ACOX3: variants seen among roughly 807,000 people sequenced by gnomAD.
ACOX3 encodes the protein acyl-CoA oxidase 3, pristanoyl.
A neutral mutation model predicts 81.5 loss-of-function variants in ACOX3; 73 were observed. The observed-to-expected ratio is 0.90, with a 90% CI of 0.74 to 1.09. The LOEUF (loss-of-function observed/expected upper bound fraction) is 1.09. Ranked by LOEUF, ACOX3 falls within the 50% of genes least tolerant of loss-of-function variation. The pLI, the probability that ACOX3 is intolerant of heterozygous loss-of-function variation, is 0.00. For missense variants in ACOX3, 947 were observed against 928.0 expected, an observed-to-expected ratio of 1.02 and a Z score of -0.27; for synonymous variants, 387 against 375.1, an observed-to-expected ratio of 1.03 and a Z score of -0.37.
rs149771349 is a variant in ACOX3 at position 8,405,996 on chromosome 4, G to T, written c.735C>A (p.Gly245=). 6.2e-7 allele frequency: 1 copy of T among 1,614,042 alleles called. No homozygotes were observed. The highest frequency in any genetic ancestry group is 8.5e-7 in the Non-Finnish European group (1 of 1,180,022). ...TCTGCCCGAGTTTTTTTCCTATGTCGCCAACCATCACTCCAGGCATGGGAA... is the reference window on the plus strand; with the variant it reads ...TCTGCCCGAGTTTTTTTCCTATGTCTCCAACCATCACTCCAGGCATGGGAA... ...TLLPMPGVMV[G]DIGKKLGQNG... The change falls in exon 7 of 18, where the codon GGC becomes GGA. Residue 245 remains glycine, a synonymous_variant. Coordinates refer to ENST00000356406, the MANE Select transcript of ACOX3 (RefSeq NM_003501.3). This position sits in a 1 kb window ranked among gnomAD's most constrained non-coding sequence, Gnocchi z 7.1.
chr4:8,386,979 G>A lies in ACOX3; in HGVS notation c.1537+2194C>T, dbSNP rs140684454. On this transcript the variant is annotated intron_variant, in intron 13 of 17. Coordinates refer to ENST00000356406, the MANE Select transcript of ACOX3 (RefSeq NM_003501.3). The surrounding 1 kb of genome is among the most constrained non-coding windows in gnomAD (Gnocchi z 5.2). Reference sequence around the variant, plus strand: ...TGTGCCTGTCCCCTGCATGAGGGAGGCCAGTGCTCCCTCCTCCCGAGGATC... The same window carrying A: ...TGTGCCTGTCCCCTGCATGAGGGAGACCAGTGCTCCCTCCTCCCGAGGATC... Among the ~76,000 whole-genome samples the A allele has an allele frequency of 1.3e-5, 2 of 152,218 alleles. No homozygotes were observed. The highest frequency in any genetic ancestry group is 2.9e-5 in the Non-Finnish European group (2 of 68,034).
At position 8,385,809 on chromosome 4, in the gene ACOX3, C is replaced by T. The variant is rs191798546; in HGVS notation, c.1537+3364G>A. 8.3e-4 allele frequency among the ~76,000 whole-genome samples: 127 copies of T among 152,328 alleles called. 1 individual carries two copies. Among genetic ancestry groups the T allele is most frequent in the African/African-American group, 2.8e-3 (115 of 41,570 alleles). On this transcript the variant is annotated intron_variant, in intron 13 of 17. Transcript: ENST00000356406. This position sits in a 1 kb window ranked among gnomAD's most constrained non-coding sequence, Gnocchi z 5.5. ...CAGCTTTTACCAAAGATCCACATGA[C>T]GCAGGCTGCAGTCAGCCCTGAGACC...
At position 8,389,222 on chromosome 4, in the gene ACOX3, A is replaced by C. The variant is rs768089067; in HGVS notation, c.1488T>G (p.Leu496=). Residue 496 remains leucine, a synonymous_variant, in exon 13 of 18, where the codon CTT becomes CTG. Transcript: ENST00000356406. This position sits in a 1 kb window ranked among gnomAD's most constrained non-coding sequence, Gnocchi z 5.3. ...CACTGGAGACCTCAAACTTCTGGTC[A>C]AGGATGCCGGGATAGGCGTCCAGAA... ...VDFLDAYPGI[L]DQKFEVSSVA... 1.2e-6 allele frequency: 2 copies of C among 1,613,962 alleles called. No individual in the cohort carries two copies. The highest frequency in any genetic ancestry group is 1.7e-6 in the Non-Finnish European group (2 of 1,179,964).
At chr4:8,391,575 T>TA (rs1333358302) in intron 11 of ACOX3, among the ~76,000 whole-genome samples, 1 of 152,272 alleles carries the variant, frequency 6.6e-6, no homozygotes, top group East Asian at 1.9e-4. Flanking sequence ...ATGATAATTC[T>TA]AATAATAACA....
intron 11 of ACOX3, among the ~76,000 whole-genome samples, chr4:8,390,680 T>C (rs1718883257): frequency 6.6e-6 from 1 of 152,226 alleles, no homozygotes; most frequent in Non-Finnish European, 1.5e-5. Flanking sequence ...TGGAAAGTGT[T>C]CTCTGAATGT....
At position 8,431,872 on chromosome 4, in the gene ACOX3, A is replaced by C. The variant is rs1052142139; in HGVS notation, c.-15+8776T>G. ...GTCATTGGCCATTGTTGTTATGTGC[A>C]CACATTGTTAAAGCTAAAGTTGCCT... is the stretch of plus-strand genomic sequence containing the variant. On this transcript the variant is annotated intron_variant, in intron 1 of 17. Transcript: ENST00000356406. The surrounding 1 kb of genome is among the most constrained non-coding windows in gnomAD (Gnocchi z 5.3). 6.6e-6 allele frequency among the ~76,000 whole-genome samples: 1 copy of C among 152,212 alleles called. No homozygotes were observed. The highest frequency in any genetic ancestry group is 1.5e-5 in the Non-Finnish European group (1 of 68,034).
intron 5 of ACOX3, among the ~76,000 whole-genome samples, chr4:8,411,912 C>T (rs1264174053): frequency 6.6e-6 from 1 of 152,248 alleles, no homozygotes. Flanking sequence ...GCTCAGCCAG[C>T]AGCCCAGCCT....
chr4:8,383,123 C>T (rs964049485), intron 13 of ACOX3, among the ~76,000 whole-genome samples: 26 of 152,244 alleles, frequency 1.7e-4, no homozygotes, highest in Admixed American at 7.9e-4. Context: ...CAGAGCAGGC[C>T]GTTTCCCAGG....
Position 8,410,458 on chromosome 4 carries a change from C to G in ACOX3, c.544-103G>C. 2.7e-6 allele frequency: 4 copies of G among 1,461,256 alleles called. No individual in the cohort carries two copies. In the South Asian group the frequency reaches 3.9e-5, roughly 14 times the overall value. 90.5% of individuals were successfully genotyped at this position (1,461,256 alleles called of 1,614,324 possible). ...ATTCCATTTTCTACGTTCAAAATCT[C>G]TGAGGCAAGAGTTGAAACTAATCGC... On this transcript the variant is annotated intron_variant, in intron 5 of 17. Coordinates refer to ENST00000356406, the MANE Select transcript of ACOX3 (RefSeq NM_003501.3).
At chr4:8,390,533 T>C (rs1159005407) in intron 11 of ACOX3, among the ~76,000 whole-genome samples, 1 of 152,248 alleles carries the variant, frequency 6.6e-6, no homozygotes, top group Non-Finnish European at 1.5e-5. Context: ...CGTCCATAAC[T>C]GAATGAACTC....
intron 1 of ACOX3, among the ~76,000 whole-genome samples, chr4:8,421,666 G>GT (rs1722961758): frequency 6.6e-6 from 1 of 152,208 alleles, no homozygotes; most frequent in South Asian, 2.1e-4. Flanking sequence ...AGAGCAAGTT[G>GT]TATCTCCAAA....
At chr4:8,377,964 G>A (rs539373717) in intron 14 of ACOX3, among the ~76,000 whole-genome samples, 101 of 152,226 alleles carry the variant, frequency 6.6e-4, no homozygotes, top group African/African-American at 2.3e-3. Context: ...TAGACAGGGC[G>A]GGGCTGGGCT....
chr4:8,395,798 A>G (rs1457362450), intron 9 of ACOX3, among the ~76,000 whole-genome samples: 2 of 152,234 alleles, frequency 1.3e-5, no homozygotes, highest in East Asian at 1.9e-4. Flanking sequence ...AACACTTACT[A>G]AACAGGCTCA....
intron 1 of ACOX3, among the ~76,000 whole-genome samples, chr4:8,434,724 G>A (rs973657861): frequency 6.6e-6 from 1 of 152,228 alleles, no homozygotes; most frequent in African/African-American, 2.4e-5. Context: ...TGCCTGTACC[G>A]GCACTTTGGT....
intron 6 of ACOX3, 30 bp downstream of exon 6, chr4:8,410,182 C>A: frequency 6.2e-7 from 1 of 1,604,484 alleles, no homozygotes; most frequent in Non-Finnish European, 8.5e-7. Flanking sequence ...GTAAACACTG[C>A]CCCCACTGAG....
At chr4:8,377,563 C>T (rs142864990) in intron 14 of ACOX3, among the ~76,000 whole-genome samples, 10 of 152,338 alleles carry the variant, frequency 6.6e-5, no homozygotes, top group South Asian at 2.1e-4. Context: ...TCACAGGAAG[C>T]GCCTGCGATG....
At chr4:8,378,471 G>C (rs1172089857) in intron 14 of ACOX3, among the ~76,000 whole-genome samples, 1 of 152,200 alleles carries the variant, frequency 6.6e-6, no homozygotes, top group African/African-American at 2.4e-5. Flanking sequence ...CTTGTGGCAG[G>C]GGTTGGTCCC....
chr4:8,395,916 G>A (rs1719642859), intron 9 of ACOX3, among the ~76,000 whole-genome samples: 1 of 152,248 alleles, frequency 6.6e-6, no homozygotes, highest in South Asian at 2.1e-4. Flanking sequence ...CCTGGGACCT[G>A]GGCCTGAGTT....
At position 8,373,609 on chromosome 4, in the gene ACOX3, C is replaced by T; in HGVS notation, c.1848G>A (p.Glu616=). ...CGCTCTCCAACACTTCTCCCGCCTG[C>T]TCACCGGAGAAGTATCCTCCTGCAA... ...LLYRGGYFSG[E]QAGEVLESAV... is the part of the protein sequence containing the mutation. The change falls in exon 16 of 18, where the codon GAG becomes GAA. Residue 616 remains glutamate, a synonymous_variant. Coordinates refer to ENST00000356406, the MANE Select transcript of ACOX3 (RefSeq NM_003501.3). 1.2e-6 allele frequency: 2 copies of T among 1,613,132 alleles called. No homozygotes were observed. The highest frequency in any genetic ancestry group is 1.7e-6 in the Non-Finnish European group (2 of 1,179,570).
Sources: gnomAD v4.1 joint callset for allele counts (sites outside exome capture counted in the v4.1 genomes callset) on GRCh38, gnomAD v4.1.1 for gene constraint, Gnocchi (gnomAD v3.1) non-coding constraint, MANE v1.5 for transcripts, NCBI Gene and HGNC (gene_info 2026-07-23, HGNC 2026-07-21) for gene names.